Variants in ADGRL2 observed in about 807,000 individuals in gnomAD.
ADGRL2 encodes calcium-independent alpha-latrotoxin receptor 2.
ADGRL2 carries 44 observed loss-of-function variants against 157.4 expected under a neutral mutation model. That is an observed-to-expected ratio of 0.28 (90% confidence interval 0.22 to 0.36). The LOEUF (loss-of-function observed/expected upper bound fraction) is 0.36, where lower values mean the gene tolerates loss of function less well. Ranked by LOEUF, ADGRL2 falls within the 10% of genes least tolerant of loss-of-function variation. The probability of loss-of-function intolerance (pLI) is 1.00; values close to 1 mark genes in which losing one functional copy is unlikely to be tolerated. For synonymous variants in ADGRL2, 585 were observed against 624.7 expected, an observed-to-expected ratio of 0.94 and a Z score of 0.95; for missense variants, 1,510 against 1,768.9, an observed-to-expected ratio of 0.85 and a Z score of 2.63.
intron 2 of ADGRL2, among the ~76,000 whole-genome samples, chr1:81,565,130 G>C (rs969182540): frequency 1.3e-5 from 2 of 152,182 alleles, no homozygotes; most frequent in African/African-American, 2.4e-5. Context: ...ACATCTCAAA[G>C]ACAACAGCTG....
At chr1:81,887,581 A>G (rs537555162) in intron 2 of ADGRL2, among the ~76,000 whole-genome samples, 2 of 152,328 alleles carry the variant, frequency 1.3e-5, no homozygotes, top group African/African-American at 4.8e-5. Flanking sequence ...AAAATATATA[A>G]AAGGAAACAC....
chr1:81,915,712 A>C (rs553862558), intron 3 of ADGRL2, among the ~76,000 whole-genome samples: 48 of 152,268 alleles, frequency 3.2e-4, no homozygotes, highest in African/African-American at 1.2e-3. Context: ...GCCATATCTC[A>C]TTTCAACTTT....
intron 2 of ADGRL2, among the ~76,000 whole-genome samples, chr1:81,858,731 A>G (rs2093289881): frequency 1.3e-5 from 2 of 152,276 alleles, no homozygotes; most frequent in Admixed American, 1.3e-4. Context: ...TAGCAAGTAT[A>G]AAGGTCCTGA....
intron 2 of ADGRL2, among the ~76,000 whole-genome samples, chr1:81,468,666 C>T (rs1446225872): frequency 1.3e-5 from 2 of 152,170 alleles, no homozygotes; most frequent in African/African-American, 2.4e-5. Context: ...ATTCAATACC[C>T]TGTGCACGAA....
At chr1:81,770,593 G>C (rs61775266) in intron 2 of ADGRL2, among the ~76,000 whole-genome samples, 21,600 of 151,788 alleles carry the variant, frequency 0.14, 1,792 homozygotes, top group South Asian at 0.21. Context: ...CCTGCCTCAG[G>C]CTCCCGAGTA....
chr1:81,563,459 G>A (rs2080489974), intron 2 of ADGRL2, among the ~76,000 whole-genome samples: 1 of 152,132 alleles, frequency 6.6e-6, no homozygotes, highest in South Asian at 2.1e-4. Context: ...AAAGAGAGGA[G>A]ACAAAGAAAA....
At chr1:81,536,701 A>G (rs1270402943) in intron 2 of ADGRL2, among the ~76,000 whole-genome samples, 1 of 152,178 alleles carries the variant, frequency 6.6e-6, no homozygotes, top group African/African-American at 2.4e-5. Flanking sequence ...AACAAACATG[A>G]TCAGACTTAT....
At chr1:81,936,462 T>C (rs1040882900) in intron 3 of ADGRL2, among the ~76,000 whole-genome samples, 2 of 151,924 alleles carry the variant, frequency 1.3e-5, no homozygotes, top group African/African-American at 4.8e-5. Context: ...AAAATTAAAA[T>C]GTATAACAAT....
At chr1:81,868,520 GCCA>G (rs1481501955) in intron 2 of ADGRL2, among the ~76,000 whole-genome samples, 1 of 152,032 alleles carries the variant, frequency 6.6e-6, no homozygotes, top group Non-Finnish European at 1.5e-5. Flanking sequence ...CCTGGGTTCA[GCCA>G]TACTGATCTT....
chr1:81,507,638 A>G (rs2079002131), intron 2 of ADGRL2, among the ~76,000 whole-genome samples: 1 of 152,178 alleles, frequency 6.6e-6, no homozygotes, highest in South Asian at 2.1e-4. Context: ...AAAAGGATTC[A>G]TCAAGCTGCT....
At chr1:81,494,726 C>T (rs1557733865) in intron 2 of ADGRL2, among the ~76,000 whole-genome samples, 1 of 152,104 alleles carries the variant, frequency 6.6e-6, no homozygotes, top group South Asian at 2.1e-4. Context: ...TCTCTCTTTA[C>T]AATTTTACTT....
chr1:81,661,798 A>G (rs1341868026), intron 3 of ADGRL2, among the ~76,000 whole-genome samples: 1 of 152,206 alleles, frequency 6.6e-6, no homozygotes, highest in African/African-American at 2.4e-5. Context: ...GGGTCACCAT[A>G]TGATTATGGT....
intron 1 of ADGRL2, chr1:81,722,802 G>T: frequency 6.9e-6 from 5 of 724,228 alleles, no homozygotes; most frequent in Non-Finnish European, 1.2e-5. Context: ...CCAGACCACA[G>T]TCAGAAGCTC....
At chr1:81,767,338 A>G (rs1291788894) in intron 2 of ADGRL2, among the ~76,000 whole-genome samples, 1 of 152,098 alleles carries the variant, frequency 6.6e-6, no homozygotes, top group African/African-American at 2.4e-5. Context: ...TTATAAGTAG[A>G]TATGTGCAAA....
chr1:81,898,429 C>T (rs141234824), intron 2 of ADGRL2, among the ~76,000 whole-genome samples: 3,334 of 152,032 alleles, frequency 0.022, 60 homozygotes, highest in Middle Eastern at 0.041. Flanking sequence ...TTCCACGTGT[C>T]GTAGTTTAGG....
intron 1 of ADGRL2, among the ~76,000 whole-genome samples, chr1:81,401,296 T>C (rs1227302904): frequency 1.3e-5 from 2 of 152,176 alleles, no homozygotes; most frequent in Admixed American, 6.5e-5. Flanking sequence ...CAAACTCAGC[T>C]GCCTGGAGTT....
chr1:81,874,591 C>CTGTCT (rs747846422), intron 2 of ADGRL2, among the ~76,000 whole-genome samples: 3 of 150,980 alleles, frequency 2.0e-5, no homozygotes, highest in African/African-American at 7.3e-5. Flanking sequence ...TTCTTTCTGT[C>CTGTCT]TGTCTTGTCT....
chr1:81,385,019 T>C lies in ADGRL2; in HGVS notation c.-301-60017T>C, dbSNP rs930864223. On this transcript the variant is annotated intron_variant, in intron 1 of 24. Transcript: ENST00000370721. The stretch of plus-strand genomic sequence containing the variant: ...ACCTTCACAGTTGTCCAACCAGATA[T>C]CAAGTTGTAGTGAGTTCTACATACG... Among the ~76,000 whole-genome samples, 15 of 152,152 alleles carry C rather than the reference T, an allele frequency of 9.9e-5. No individual in the cohort carries two copies. The South Asian group carries it at 1.0e-3, about 10-fold the overall frequency.
At chr1:81,797,748 C>T (rs1162821265), upstream of ADGRL2, among the ~76,000 whole-genome samples, 2 of 152,000 alleles carry the variant, frequency 1.3e-5, no homozygotes, top group Non-Finnish European at 2.9e-5. Flanking sequence ...ATATATGAAC[C>T]CACTGAATAA....
Sources: allele counts gnomAD v4.1 joint callset (sites outside exome capture counted in the v4.1 genomes callset), GRCh38; gene constraint gnomAD v4.1.1; transcripts MANE v1.5; gene names NCBI Gene and HGNC (gene_info 2026-07-23, HGNC 2026-07-21).